DLGAP1: variants seen among roughly 807,000 people sequenced by gnomAD.
DLGAP1 encodes DLG associated protein 1.
A neutral mutation model predicts 90.8 loss-of-function variants in DLGAP1; 11 were observed. That is an observed-to-expected ratio of 0.12 (90% CI 0.08 to 0.20). DLGAP1 has a LOEUF of 0.20. DLGAP1 is among the 10% of genes least tolerant of loss of function. The pLI, the probability that DLGAP1 is intolerant of heterozygous loss-of-function variation, is 1.00. For missense variants in DLGAP1, 1,050 were observed against 1,333.8 expected, an observed-to-expected ratio of 0.79 and a Z score of 3.31; for synonymous variants, 558 against 540.7, an observed-to-expected ratio of 1.03 and a Z score of -0.44.
intron 2 of DLGAP1, among the ~76,000 whole-genome samples, chr18:4,090,535 C>T (rs189546049): frequency 7.9e-5 from 12 of 152,232 alleles, no homozygotes; most frequent in Admixed American, 2.6e-4. Context: ...AAATTAAAAC[C>T]GCAATGAGAT....
At chr18:4,056,382 GA>G (rs961786037) in intron 2 of DLGAP1, among the ~76,000 whole-genome samples, 32 of 152,290 alleles carry the variant, frequency 2.1e-4, no homozygotes, top group African/African-American at 7.2e-4. Context: ...GCGGCCTGGG[GA>G]AAACACAAAA....
chr18:3,774,027 C>G (rs569591353), intron 5 of DLGAP1, among the ~76,000 whole-genome samples: 2 of 152,290 alleles, frequency 1.3e-5, no homozygotes, highest in South Asian at 4.2e-4. Flanking sequence ...CAGCTGCCAC[C>G]TCACCTCCTT....
At position 3,761,791 on chromosome 18, in the gene DLGAP1, G is replaced by C. The variant is rs931034374; in HGVS notation, c.1173-19279C>G. ...GGGTTTCACCATGTTGGCTAGGCTG[G>C]TCCCAAACTCCTGACCCTGTGATCT... is the stretch of plus-strand genomic sequence containing the variant. On this transcript the variant is annotated intron_variant, in intron 5 of 12. Coordinates refer to ENST00000315677, the MANE Select transcript of DLGAP1 (RefSeq NM_004746.4). Among the ~76,000 whole-genome samples, 15 of 152,230 alleles carry C rather than the reference G, an allele frequency of 9.9e-5. No individual in the cohort carries two copies. In the East Asian group the frequency reaches 2.5e-3, roughly 25 times the overall value.
intron 7 of DLGAP1, among the ~76,000 whole-genome samples, chr18:3,600,969 G>GATAT (rs1555695758): frequency 0.019 from 1,622 of 87,494 alleles, 250 homozygotes; most frequent in Middle Eastern, 0.072. Flanking sequence ...TAGATATATA[G>GATAT]ATAGATATAT....
intron 1 of DLGAP1, among the ~76,000 whole-genome samples, chr18:4,358,047 G>A (rs1296973545): frequency 6.6e-6 from 1 of 152,330 alleles, no homozygotes; most frequent in Non-Finnish European, 1.5e-5. Flanking sequence ...GAGTAACAGA[G>A]AGCATAAACC....
intron 5 of DLGAP1, among the ~76,000 whole-genome samples, chr18:3,743,388 T>C (rs2063137017): frequency 6.6e-6 from 1 of 152,058 alleles, no homozygotes; most frequent in African/African-American, 2.4e-5. Context: ...GGAGTCTTGC[T>C]GTGTCACCCA....
chr18:4,231,431 AG>A (rs2078296521), intron 1 of DLGAP1, among the ~76,000 whole-genome samples: 1 of 152,170 alleles, frequency 6.6e-6, no homozygotes, highest in South Asian at 2.1e-4. Context: ...AAGTAATGGC[AG>A]TAAAGCAAGA....
chr18:3,565,183 C>T lies in DLGAP1; in HGVS notation c.2057+2307G>A, dbSNP rs555829676. ...TTTTCTTTTTAAGACAGAGTCTGCT[C>T]TGCCACCCAGGCTGGAGCGCAATGG... On this transcript the variant is annotated intron_variant, in intron 9 of 12. Transcript: ENST00000315677. This position sits in a 1 kb window ranked among gnomAD's most constrained non-coding sequence, Gnocchi z 4.0. 6.6e-4 allele frequency among the ~76,000 whole-genome samples: 101 copies of T among 152,196 alleles called. No homozygotes were observed. Among genetic ancestry groups the T allele is most frequent in the African/African-American group, 2.4e-3 (101 of 41,528 alleles).
At chr18:3,600,931 G>C (rs1274797458) in intron 7 of DLGAP1, among the ~76,000 whole-genome samples, 1 of 66,838 alleles carries the variant, frequency 1.5e-5, no homozygotes, top group Admixed American at 1.4e-4. Flanking sequence ...GATATATATA[G>C]ATATATAGAT....
At chr18:3,905,366 CAAAAAAAA>C (rs71160924) in intron 3 of DLGAP1, among the ~76,000 whole-genome samples, 10 of 19,820 alleles carry the variant, frequency 5.0e-4, no homozygotes, top group African/African-American at 1.3e-3. Flanking sequence ...GACTCCATCT[CAAAAAAAA>C]AAAAAAAAAA....
At chr18:3,567,042 TTTCATTCA>T (rs71366684) in intron 9 of DLGAP1, among the ~76,000 whole-genome samples, 18 of 144,804 alleles carry the variant, frequency 1.2e-4, no homozygotes, top group East Asian at 2.0e-4. Flanking sequence ...ATATCTTCTT[TTTCATTCA>T]TTCATTCATT....
intron 4 of DLGAP1, among the ~76,000 whole-genome samples, chr18:3,846,073 T>TGC (rs2068996186): frequency 6.6e-6 from 1 of 151,842 alleles, no homozygotes; most frequent in African/African-American, 2.4e-5. Context: ...TGTGTGTGTG[T>TGC]GTGTGTGTCT....
chr18:3,945,636 G>A, intron 3 of DLGAP1, among the ~76,000 whole-genome samples: 1 of 152,090 alleles, frequency 6.6e-6, no homozygotes, highest in African/African-American at 2.4e-5. Context: ...CTTCTTATGG[G>A]ATTTTTAAGA....
chr18:4,043,578 T>C (rs1395179306), intron 2 of DLGAP1, among the ~76,000 whole-genome samples: 1 of 151,182 alleles, frequency 6.6e-6, no homozygotes, highest in Non-Finnish European at 1.5e-5. Flanking sequence ...TTGCCTTTTA[T>C]ATCTGAAGAC....
chr18:3,836,971 C>T (rs2068424326), intron 4 of DLGAP1, among the ~76,000 whole-genome samples: 1 of 152,176 alleles, frequency 6.6e-6, no homozygotes, highest in South Asian at 2.1e-4. Context: ...AGTTCTGGGG[C>T]TGGCTACAGG....
chr18:3,755,761 C>A (rs2063695357), intron 5 of DLGAP1, among the ~76,000 whole-genome samples: 1 of 151,498 alleles, frequency 6.6e-6, no homozygotes, highest in Non-Finnish European at 1.5e-5. Context: ...ATGGATAACA[C>A]AATTAGAAAT....
chr18:4,061,251 T>A (rs1168720945), intron 2 of DLGAP1, among the ~76,000 whole-genome samples: 2 of 152,188 alleles, frequency 1.3e-5, no homozygotes, highest in African/African-American at 4.8e-5. Flanking sequence ...GTGCTTTTTG[T>A]AAAAGATTAT....
intron 1 of DLGAP1, among the ~76,000 whole-genome samples, chr18:4,334,362 T>C (rs887380785): frequency 3.3e-5 from 5 of 151,836 alleles, no homozygotes; most frequent in Admixed American, 3.3e-4. Context: ...CATTTGCATA[T>C]ACATTGGTCA....
chr18:4,150,647 T>C (rs905974133), intron 2 of DLGAP1, among the ~76,000 whole-genome samples: 1 of 152,244 alleles, frequency 6.6e-6, no homozygotes, highest in East Asian at 1.9e-4. Flanking sequence ...TTGGCCAGGC[T>C]GGTCTCAAAC....
Sources: allele counts gnomAD v4.1 joint callset (sites outside exome capture counted in the v4.1 genomes callset), GRCh38; gene constraint gnomAD v4.1.1; non-coding constraint Gnocchi (gnomAD v3.1); transcripts MANE v1.5; gene names NCBI Gene and HGNC (gene_info 2026-07-23, HGNC 2026-07-21).